Variants in INTS4 observed in about 807,000 individuals in gnomAD.
The protein encoded by INTS4 is integrator complex subunit 4, also known as MSTP093.
Under a neutral mutation model 119.5 loss-of-function variants are expected in INTS4, and 70 were observed. The ratio of observed to expected loss-of-function variants is 0.59; its 90% confidence interval spans 0.48 to 0.71. The LOEUF is 0.71. Among genes scored for constraint, INTS4 ranks in the 30% least tolerant of loss-of-function variants. INTS4 has a pLI of 0.00. For missense variants in INTS4, 867 were observed against 1,173.2 expected (o/e 0.74, Z 3.81); for synonymous variants, 316 against 419.6 (o/e 0.75, Z 3.02).
intron 2 of INTS4, among the ~76,000 whole-genome samples, chr11:77,989,878 G>A (rs1183168920): frequency 6.6e-6 from 1 of 152,136 alleles, no homozygotes; most frequent in Non-Finnish European, 1.5e-5. Flanking sequence ...CCGCCTGGGC[G>A]AGAAAGCAAG....
chr11:77,920,774 C>A (rs1953340090), intron 14 of INTS4, among the ~76,000 whole-genome samples: 1 of 151,962 alleles, frequency 6.6e-6, no homozygotes. Context: ...ATGGAGTGAA[C>A]CTGGGAGGTG....
At chr11:77,976,843 A>C (rs1053911376) in intron 4 of INTS4, among the ~76,000 whole-genome samples, 1 of 151,880 alleles carries the variant, frequency 6.6e-6, no homozygotes, top group Non-Finnish European at 1.5e-5. Context: ...ACCAAACACC[A>C]CATGTTCTCA....
intron 18 of INTS4, chr11:77,900,461 T>C (rs1331994299): frequency 1.8e-6 from 1 of 555,608 alleles, no homozygotes. Context: ...TCAAGATACG[T>C]GAAGAAATAA....
chr11:77,943,639 T>C (rs1953981126), intron 8 of INTS4, among the ~76,000 whole-genome samples: 1 of 152,216 alleles, frequency 6.6e-6, no homozygotes, highest in African/African-American at 2.4e-5. Context: ...CAAATATGTT[T>C]AGATTAAGAT....
chr11:77,924,918 A>C, intron 11 of INTS4, 26 bp from the exon 12 acceptor site: 1 of 1,575,014 alleles, frequency 6.3e-7, no homozygotes, highest in Non-Finnish European at 8.7e-7. Flanking sequence ...TAATAATAAC[A>C]GTAGTTACTG....
At chr11:77,969,210 C>T (rs1486099349) in intron 4 of INTS4, among the ~76,000 whole-genome samples, 2 of 152,124 alleles carry the variant, frequency 1.3e-5, no homozygotes, top group African/African-American at 2.4e-5. Flanking sequence ...GCTGGGATTA[C>T]AAGTGTGAGC....
intron 22 of INTS4, among the ~76,000 whole-genome samples, chr11:77,883,286 G>A (rs952197527): frequency 6.6e-6 from 1 of 152,126 alleles, no homozygotes; most frequent in African/African-American, 2.4e-5. Context: ...TCTGCAGACT[G>A]AGGTCTTCTT....
intron 18 of INTS4, among the ~76,000 whole-genome samples, chr11:77,896,106 TA>T (rs1952506201): frequency 6.6e-6 from 1 of 152,160 alleles, no homozygotes; most frequent in Admixed American, 6.5e-5. Context: ...AAAACTTTTT[TA>T]AAAATTCTAA....
chr11:77,980,418 C>T (rs1856160383), intron 3 of INTS4, among the ~76,000 whole-genome samples: 1 of 152,114 alleles, frequency 6.6e-6, no homozygotes, highest in Admixed American at 6.6e-5. Flanking sequence ...CTCGCTCTGT[C>T]ACCCAGGCTG....
intron 1 of INTS4, among the ~76,000 whole-genome samples, chr11:77,992,430 G>C (rs1370894996): frequency 6.6e-6 from 1 of 152,000 alleles, no homozygotes; most frequent in African/African-American, 2.4e-5. Flanking sequence ...GATGGGCGTA[G>C]TGGCTTACAC....
At chr11:77,917,511 A>G (rs1230562852) in intron 15 of INTS4, among the ~76,000 whole-genome samples, 1 of 151,290 alleles carries the variant, frequency 6.6e-6, no homozygotes, top group African/African-American at 2.4e-5. Flanking sequence ...ATGGGGTTTC[A>G]CTCAACGGGG....
intron 4 of INTS4, among the ~76,000 whole-genome samples, chr11:77,962,114 A>T (rs963987129): frequency 6.6e-6 from 1 of 152,132 alleles, no homozygotes; most frequent in African/African-American, 2.4e-5. Flanking sequence ...GGAGTTCAAG[A>T]CTGTCCTGGG....
chr11:77,945,456 G>A (rs900028590), intron 8 of INTS4, among the ~76,000 whole-genome samples: 8 of 152,190 alleles, frequency 5.3e-5, no homozygotes, highest in African/African-American at 1.4e-4. Flanking sequence ...TTGAGAACCC[G>A]CCATCATTCT....
intron 1 of INTS4, among the ~76,000 whole-genome samples, chr11:77,993,183 T>C (rs1055708350): frequency 6.6e-6 from 1 of 152,214 alleles, no homozygotes; most frequent in Non-Finnish European, 1.5e-5. Context: ...AGCCAGGCAT[T>C]AGCTCTGCCA....
intron 15 of INTS4, among the ~76,000 whole-genome samples, chr11:77,915,745 C>A (rs1352187939): frequency 6.6e-6 from 1 of 152,248 alleles, no homozygotes; most frequent in Non-Finnish European, 1.5e-5. Context: ...GTATTCCTAT[C>A]TTCATCTACT....
intron 1 of INTS4, among the ~76,000 whole-genome samples, chr11:77,994,050 A>G (rs1454117354): frequency 6.6e-6 from 1 of 151,958 alleles, no homozygotes; most frequent in Non-Finnish European, 1.5e-5. Context: ...TGTTCTACCA[A>G]TAGAGAGCTC....
At chr11:77,877,044 A>C (rs1951616576), downstream of INTS4, 1 of 703,044 alleles carries the variant, frequency 1.4e-6, no homozygotes, top group Non-Finnish European at 2.6e-6. Context: ...GAGAGATGCA[A>C]AACAGGTAAG....
intron 15 of INTS4, among the ~76,000 whole-genome samples, chr11:77,914,405 G>A (rs1450831904): frequency 6.6e-6 from 1 of 152,230 alleles, no homozygotes; most frequent in Non-Finnish European, 1.5e-5. Flanking sequence ...ATTTAGGTGG[G>A]GATGAGTCAG....
At chr11:77,993,378 A>C (rs1363722671) in intron 1 of INTS4, among the ~76,000 whole-genome samples, 1 of 152,246 alleles carries the variant, frequency 6.6e-6, no homozygotes, top group Non-Finnish European at 1.5e-5. Context: ...GAGAACAAAA[A>C]GAAAGGGAAG....
Sources: gnomAD v4.1 joint callset for allele counts (sites outside exome capture counted in the v4.1 genomes callset) on GRCh38, gnomAD v4.1.1 for gene constraint, MANE v1.5 for transcripts, NCBI Gene and HGNC (gene_info 2026-07-23, HGNC 2026-07-21) for gene names.